Variants in NRP1 observed in about 807,000 individuals in gnomAD.
The protein encoded by NRP1 is neuropilin-1.
In NRP1, 35 loss-of-function variants were observed where a neutral mutation model predicts 106.7. The observed-to-expected ratio is 0.33, with a 90% confidence interval of 0.25 to 0.43. The LOEUF (loss-of-function observed/expected upper bound fraction) is 0.43, where lower values mean the gene tolerates loss of function less well. Among genes scored for constraint, NRP1 ranks in the 20% least tolerant of loss-of-function variants. The pLI, the probability that NRP1 is intolerant of heterozygous loss-of-function variation, is 1.00. For missense variants in NRP1, 1,024 were observed against 1,170.4 expected, an observed-to-expected ratio of 0.87 and a Z score of 1.83; for synonymous variants, 437 against 417.9, an observed-to-expected ratio of 1.05 and a Z score of -0.56.
intron 2 of NRP1, among the ~76,000 whole-genome samples, chr10:33,304,591 T>C (rs570088604): frequency 6.6e-6 from 1 of 152,296 alleles, no homozygotes; most frequent in South Asian, 2.1e-4. Flanking sequence ...CCAATGACAT[T>C]ATTCAACTCA....
intron 8 of NRP1, among the ~76,000 whole-genome samples, chr10:33,220,358 A>G (rs1262207841): frequency 6.6e-6 from 1 of 152,210 alleles, no homozygotes; most frequent in Non-Finnish European, 1.5e-5. Context: ...CCAAATACAT[A>G]TATAACATAA....
chr10:33,194,897 G>T (rs1836669059), intron 12 of NRP1: 4 of 402,860 alleles, frequency 9.9e-6, no homozygotes, highest in Non-Finnish European at 2.0e-5. Context: ...GCAAATTAAT[G>T]AATGAAACAA....
intron 1 of NRP1, among the ~76,000 whole-genome samples, chr10:33,332,636 G>C (rs2132986687): frequency 6.6e-6 from 1 of 152,324 alleles, no homozygotes; most frequent in East Asian, 1.9e-4. Flanking sequence ...TCTAGCAGTT[G>C]ATTAAGAAAG....
chr10:33,333,059 T>C (rs552743135), intron 1 of NRP1, among the ~76,000 whole-genome samples: 3 of 152,304 alleles, frequency 2.0e-5, no homozygotes, highest in South Asian at 4.1e-4. Context: ...GCTCTTTCAG[T>C]TGGACGAGAA....
intron 8 of NRP1, among the ~76,000 whole-genome samples, chr10:33,215,245 C>T (rs1838663948): frequency 6.6e-6 from 1 of 152,148 alleles, no homozygotes; most frequent in Non-Finnish European, 1.5e-5. Context: ...CAAAACCCAG[C>T]TTAAGACTCA....
chr10:33,240,168 A>T (rs1840904463), intron 6 of NRP1, among the ~76,000 whole-genome samples: 1 of 152,176 alleles, frequency 6.6e-6, no homozygotes, highest in Admixed American at 6.5e-5. Context: ...GATGTCTGAC[A>T]CCTTTCCAAG....
At chr10:33,191,228 T>TAA (rs1836389655) in intron 13 of NRP1, among the ~76,000 whole-genome samples, 1 of 152,170 alleles carries the variant, frequency 6.6e-6, no homozygotes, top group Admixed American at 6.5e-5. Flanking sequence ...AGGGGGCAGA[T>TAA]AATAGAGTTC....
intron 2 of NRP1, among the ~76,000 whole-genome samples, chr10:33,300,697 T>A (rs1845741843): frequency 6.6e-6 from 1 of 152,222 alleles, no homozygotes; most frequent in Non-Finnish European, 1.5e-5. Context: ...GATTGCCTCC[T>A]TTGGAGAGGC....
intron 6 of NRP1, among the ~76,000 whole-genome samples, chr10:33,252,976 A>G (rs979164134): frequency 2.0e-5 from 3 of 151,028 alleles, no homozygotes; most frequent in Admixed American, 6.6e-5. Flanking sequence ...TGTGGAAAGT[A>G]GAGGATTAAT....
At chr10:33,326,897 T>A (rs552620811) in intron 2 of NRP1, among the ~76,000 whole-genome samples, 9 of 152,306 alleles carry the variant, frequency 5.9e-5, no homozygotes, top group African/African-American at 2.2e-4. Flanking sequence ...GTATACTGTA[T>A]TGTTAAGATT....
rs147523684 is a variant in NRP1, at chr10:33,271,703, A to T, written c.249-847T>A. ...AAGTGACAATAAAATATTACTAAAA[A>T]GTTAACACAAAGATAAGAGATAGTT... On this transcript the variant is annotated intron_variant, in intron 2 of 16. Coordinates refer to ENST00000374867, the MANE Select transcript of NRP1 (RefSeq NM_003873.7). Among the ~76,000 whole-genome samples the T allele has an allele frequency of 8.6e-3, 1,304 of 152,352 alleles. 16 individuals carry two copies. The highest frequency in any genetic ancestry group is 0.03 in the African/African-American group (1,249 of 41,576).
At chr10:33,202,799 C>T (rs375051418) in intron 11 of NRP1, 92 bp downstream of exon 11, 15 of 1,609,800 alleles carry the variant, frequency 9.3e-6, no homozygotes, top group African/African-American at 4.0e-5. Context: ...CTCTGCCATG[C>T]GGAGTTACAA....
At chr10:33,314,687 G>C (rs762293288) in intron 2 of NRP1, among the ~76,000 whole-genome samples, 2 of 152,134 alleles carry the variant, frequency 1.3e-5, no homozygotes, top group Non-Finnish European at 2.9e-5. Context: ...GGAGAGGGGA[G>C]AGCCCAGGCA....
chr10:33,264,943 C>T (rs1204754913), intron 3 of NRP1, among the ~76,000 whole-genome samples: 6 of 152,070 alleles, frequency 3.9e-5, no homozygotes, highest in African/African-American at 1.2e-4. Context: ...ACCCCAGTCT[C>T]TACTAAAAAT....
rs146781347 is a variant in NRP1 at position 33,190,099 on chromosome 10, T to C, written c.2062+2182A>G. On this transcript the variant is annotated intron_variant, in intron 13 of 16. Transcript: ENST00000374867. ...GACAAGCTCTCCTTCTCTGATACTC[T>C]AACACATAAAGCACTGATATTTTCC... is the stretch of plus-strand genomic sequence containing the variant. Among the ~76,000 whole-genome samples, 345 of 152,360 alleles carry C rather than the reference T, an allele frequency of 2.3e-3. 1 individual carries two copies. The highest frequency in any genetic ancestry group is 7.4e-3 in the African/African-American group (307 of 41,592).
In NRP1 at chr10:33,236,902, T is replaced by C. The variant is rs915078259; in HGVS notation, c.982-10613A>G. Among the ~76,000 whole-genome samples the C allele has an allele frequency of 1.3e-5, 2 of 152,242 alleles. 1 individual carries two copies. The highest frequency in any genetic ancestry group is 1.3e-4 in the Admixed American group (2 of 15,286). Reference sequence around the variant, plus strand: ...CTAACTTCCTGTACCTCATCTTCCATTTTCTTAACTGTCCCGCAGACAGGT... The same window carrying C: ...CTAACTTCCTGTACCTCATCTTCCACTTTCTTAACTGTCCCGCAGACAGGT... On this transcript the variant is annotated intron_variant, in intron 6 of 16. Coordinates refer to ENST00000374867, the MANE Select transcript of NRP1 (RefSeq NM_003873.7).
At chr10:33,258,158 A>G (rs779549273) in intron 4 of NRP1, among the ~76,000 whole-genome samples, 1 of 152,212 alleles carries the variant, frequency 6.6e-6, no homozygotes, top group Non-Finnish European at 1.5e-5. Flanking sequence ...CTGTGTTCCT[A>G]GTAGGCAGCA....
At chr10:33,262,091 A>G (rs1019129119) in intron 4 of NRP1, among the ~76,000 whole-genome samples, 2 of 152,226 alleles carry the variant, frequency 1.3e-5, no homozygotes, top group African/African-American at 4.8e-5. Context: ...TGAGAATAGT[A>G]TCTGACTCTG....
intron 2 of NRP1, among the ~76,000 whole-genome samples, chr10:33,325,877 G>A (rs984852983): frequency 6.6e-6 from 1 of 152,166 alleles, no homozygotes; most frequent in East Asian, 1.9e-4. Context: ...AAAAGCAACT[G>A]TGCCATGATA....
Sources: allele counts gnomAD v4.1 joint callset (sites outside exome capture counted in the v4.1 genomes callset), GRCh38; gene constraint gnomAD v4.1.1; transcripts MANE v1.5; gene names NCBI Gene and HGNC (gene_info 2026-07-23, HGNC 2026-07-21).